Variants in FGF12 observed in about 807,000 individuals in gnomAD.
FGF12 encodes fibroblast growth factor 12B.
FGF12 carries 14 observed loss-of-function variants against 23.6 expected under a neutral mutation model. That is an observed-to-expected ratio of 0.59 (90% CI 0.39 to 0.93). The LOEUF (loss-of-function observed/expected upper bound fraction) is 0.93, where lower values mean the gene tolerates loss of function less well. Among genes scored for constraint, FGF12 ranks in the 40% least tolerant of loss-of-function variants. FGF12 has a pLI of 0.00. For synonymous variants in FGF12, 62 were observed against 77.3 expected (o/e 0.80, Z 1.04); for missense variants, 175 against 217.8 (o/e 0.80, Z 1.24).
intron 2 of FGF12, among the ~76,000 whole-genome samples, chr3:192,618,186 A>G (rs1035609519): frequency 3.3e-5 from 5 of 151,938 alleles, no homozygotes; most frequent in African/African-American, 1.2e-4. Context: ...TTCTGATTTT[A>G]TAATGGAATC....
chr3:192,327,461 T>TA (rs921716542), intron 4 of FGF12, among the ~76,000 whole-genome samples: 53 of 151,956 alleles, frequency 3.5e-4, no homozygotes, highest in Middle Eastern at 3.4e-3. Flanking sequence ...ATCCTTTAGT[T>TA]AAAAAAAATT....
intron 2 of FGF12, among the ~76,000 whole-genome samples, chr3:192,662,305 A>G (rs1194963797): frequency 5.3e-5 from 8 of 152,218 alleles, no homozygotes; most frequent in Non-Finnish European, 7.3e-5. Flanking sequence ...TGGTAGCTGA[A>G]CACTTCCTGT....
At chr3:192,164,790 C>T (rs1715066996) in intron 5 of FGF12, among the ~76,000 whole-genome samples, 1 of 152,086 alleles carries the variant, frequency 6.6e-6, no homozygotes. Flanking sequence ...TGCCTTTAAA[C>T]ATTACAAACA....
At chr3:192,531,729 T>C (rs1368300510) in intron 2 of FGF12, among the ~76,000 whole-genome samples, 1 of 152,202 alleles carries the variant, frequency 6.6e-6, no homozygotes, top group East Asian at 1.9e-4. Flanking sequence ...AAGATAAAAT[T>C]TGGGAAATCA....
intron 5 of FGF12, 37 bp downstream of exon 5, chr3:192,170,421 A>G (rs1478609200): frequency 6.3e-7 from 1 of 1,575,140 alleles, no homozygotes. Flanking sequence ...CAACACACAG[A>G]TAAGGGTCCA....
intron 2 of FGF12, among the ~76,000 whole-genome samples, chr3:192,460,661 T>TAC (rs988078199): frequency 4.8e-4 from 69 of 143,120 alleles, no homozygotes; most frequent in African/African-American, 1.3e-3. Context: ...TATATACATA[T>TAC]ACACACACAC....
intron 4 of FGF12, among the ~76,000 whole-genome samples, chr3:192,284,337 A>G (rs1267833425): frequency 1.3e-5 from 2 of 152,084 alleles, no homozygotes; most frequent in Non-Finnish European, 2.9e-5. Context: ...TTAAATGTAA[A>G]TCTGGTTAAT....
At chr3:192,602,842 G>T (rs1308991514) in intron 2 of FGF12, among the ~76,000 whole-genome samples, 2 of 151,960 alleles carry the variant, frequency 1.3e-5, no homozygotes, top group African/African-American at 2.4e-5. Flanking sequence ...AATTTACTAT[G>T]ATCAAGTAAG....
At chr3:192,387,022 A>G (rs1488726687) in intron 2 of FGF12, among the ~76,000 whole-genome samples, 1 of 152,208 alleles carries the variant, frequency 6.6e-6, no homozygotes, top group African/African-American at 2.4e-5. Flanking sequence ...TATAAATAAC[A>G]GTAATATGAA....
intron 2 of FGF12, among the ~76,000 whole-genome samples, chr3:192,374,259 A>C (rs1375669562): frequency 1.3e-5 from 2 of 152,254 alleles, no homozygotes; most frequent in African/African-American, 4.8e-5. Context: ...TGACCACATA[A>C]GATGAAAAAA....
rs1713464740 is a variant in FGF12 at position 192,588,325 on chromosome 3, G to T, written c.13+138856C>A. Among the ~76,000 whole-genome samples, 3 of 137,488 alleles carry T rather than the reference G, an allele frequency of 2.2e-5. No homozygotes were observed. In the South Asian group the frequency reaches 7.1e-4, roughly 33 times the overall value. 90.2% of individuals were successfully genotyped at this position (137,488 alleles called of 152,430 possible). A position where few individuals can be genotyped will look rare whatever the true frequency, so the allele number is the denominator to read the frequency against. On this transcript the variant is annotated intron_variant, in intron 2 of 5. Coordinates refer to ENST00000445105, the MANE Select transcript of FGF12 (RefSeq NM_004113.6). The stretch of plus-strand genomic sequence containing the variant: ...AGATCGCGCCACTGCACTCCAGCCT[G>T]GGCGACAGAGCAACAATCCGTCTCA...
intron 2 of FGF12, among the ~76,000 whole-genome samples, chr3:192,432,046 T>C (rs1025894535): frequency 1.3e-5 from 2 of 152,184 alleles, no homozygotes; most frequent in African/African-American, 4.8e-5. Context: ...CAGCACCACA[T>C]AGATCAGGTC....
chr3:192,701,203 T>A (rs1041615504), intron 2 of FGF12, among the ~76,000 whole-genome samples: 3 of 152,190 alleles, frequency 2.0e-5, no homozygotes, highest in African/African-American at 7.2e-5. Flanking sequence ...CAAGCAATTG[T>A]CAATCAGAAA....
intron 4 of FGF12, among the ~76,000 whole-genome samples, chr3:192,175,497 G>C (rs934697194): frequency 6.6e-6 from 1 of 152,110 alleles, no homozygotes; most frequent in East Asian, 1.9e-4. Context: ...TTTAAAACCT[G>C]CCCATTCTTC....
chr3:192,171,748 T>C (rs1056938314), intron 4 of FGF12, among the ~76,000 whole-genome samples: 1 of 152,172 alleles, frequency 6.6e-6, no homozygotes, highest in African/African-American at 2.4e-5. Flanking sequence ...GAGACTCCCA[T>C]GATTTAATGC....
chr3:192,581,862 T>C (rs1225894826), intron 2 of FGF12, among the ~76,000 whole-genome samples: 1 of 152,172 alleles, frequency 6.6e-6, no homozygotes, highest in African/African-American at 2.4e-5. Flanking sequence ...ATCATTATCT[T>C]TAATTACCTA....
intron 4 of FGF12, among the ~76,000 whole-genome samples, chr3:192,299,976 TTTTA>T (rs775166837): frequency 7.1e-4 from 108 of 152,314 alleles, no homozygotes; most frequent in Middle Eastern, 3.4e-3. Flanking sequence ...TATTTATGCA[TTTTA>T]TTTTTCTTCC....
chr3:192,283,219 T>C (rs1714255045), intron 4 of FGF12: 1 of 152,126 alleles, frequency 6.6e-6, no homozygotes, highest in Non-Finnish European at 1.5e-5. Flanking sequence ...GGCTAGAACA[T>C]ATGGAACCAC....
At chr3:192,682,862 G>A (rs1005056443) in intron 2 of FGF12, among the ~76,000 whole-genome samples, 9 of 152,132 alleles carry the variant, frequency 5.9e-5, no homozygotes, top group Admixed American at 2.0e-4. Flanking sequence ...TGACTCAATC[G>A]GTCATGCCTA....
Sources: gnomAD v4.1 joint callset for allele counts (sites outside exome capture counted in the v4.1 genomes callset) on GRCh38, gnomAD v4.1.1 for gene constraint, MANE v1.5 for transcripts, NCBI Gene and HGNC (gene_info 2026-07-23, HGNC 2026-07-21) for gene names.